Variants in ZNF875 observed in about 807,000 individuals in gnomAD.
ZNF875 encodes zinc finger protein 875.
Under a neutral mutation model 11.2 loss-of-function variants are expected in ZNF875, and 14 were observed. The observed-to-expected ratio is 1.26, with a 90% CI of 0.83 to 1.96. The LOEUF (loss-of-function observed/expected upper bound fraction) is 1.96. Among genes scored for constraint, ZNF875 ranks in the 30% most tolerant of loss-of-function variants. The pLI is 0.00. For missense variants in ZNF875, 752 were observed against 760.4 expected (o/e 0.99, Z 0.13); for synonymous variants, 301 against 281.1 (o/e 1.07, Z -0.71).
upstream of ZNF875, chr19:37,314,967 G>A (rs1375590412): frequency 1.3e-5 from 2 of 152,066 alleles, no homozygotes; most frequent in Non-Finnish European, 2.9e-5. Context: ...TTGCACAGTT[G>A]TGCAAACAGC....
rs376971884 is a variant in ZNF875 at position 37,326,011 on chromosome 19, AT to A, written c.-603+1756del. On this transcript the variant is annotated intron_variant, in intron 4 of 5. Coordinates refer to the ZNF875 transcript ENST00000544914. The stretch of plus-strand genomic sequence containing the variant: ...CGCGTGAGCCACTGCACTTGGCCTG[AT>A]TTTTTTTTTCTGAAGAGATGAGGTC... 4.4e-3 allele frequency among the ~76,000 whole-genome samples: 662 copies of A among 149,144 alleles called. 3 individuals carry two copies. The highest frequency in any genetic ancestry group is 0.021 in the Middle Eastern group (6 of 292).
At chr19:37,320,389 G>A (rs2031176566) in intron 1 of ZNF875, among the ~76,000 whole-genome samples, 1 of 152,200 alleles carries the variant, frequency 6.6e-6, no homozygotes, top group Non-Finnish European at 1.5e-5. Flanking sequence ...AGCCTTCATG[G>A]TTGTCACTGC....
chr19:37,357,462 A>G (rs896722738), intron 4 of ZNF875, among the ~76,000 whole-genome samples: 6 of 152,196 alleles, frequency 3.9e-5, no homozygotes, highest in East Asian at 1.9e-4. Context: ...TTAACAATCT[A>G]TGAGCATAGA....
At chr19:37,351,196 T>A (rs186649705) in intron 4 of ZNF875, among the ~76,000 whole-genome samples, 1 of 152,244 alleles carries the variant, frequency 6.6e-6, no homozygotes, top group African/African-American at 2.4e-5. Context: ...TTAATTAATT[T>A]GTCCACTTAA....
At chr19:37,317,863 C>G (rs35203277), upstream of ZNF875, 13,937 of 152,860 alleles carry the variant, frequency 0.091, 807 homozygotes, top group Non-Finnish European at 0.12. Context: ...CCATTGGTCG[C>G]CGTTTCCGGA....
Position 37,364,024 on chromosome 19 carries a change from C to A in ZNF875, c.*249C>A. The A allele has an allele frequency of 2.1e-6, 1 of 487,468 alleles. No homozygotes were observed. Among genetic ancestry groups the A allele is most frequent in the Non-Finnish European group, 3.7e-6 (1 of 272,706 alleles). 30.2% of individuals were successfully genotyped at this position (487,468 alleles called of 1,614,324 possible). A position where few individuals can be genotyped will look rare whatever the true frequency, so the allele number is the denominator to read the frequency against. On this transcript the variant is annotated 3_prime_UTR_variant, in exon 5 of 5. Transcript: ENST00000392153. ...CACTGTGGATGGTGGGTTGTGGAAA[C>A]CCGGTCAGGTAATGATAGTGGCAGG...
chr19:37,335,904 T>A (rs1489285600), intron 2 of ZNF875, among the ~76,000 whole-genome samples: 1 of 152,202 alleles, frequency 6.6e-6, no homozygotes, highest in Non-Finnish European at 1.5e-5. Flanking sequence ...ATTTTACCTT[T>A]GAGTTCATTC....
chr19:37,360,082 C>T (rs1426995420), intron 4 of ZNF875, among the ~76,000 whole-genome samples: 1 of 152,110 alleles, frequency 6.6e-6, no homozygotes, highest in African/African-American at 2.4e-5. Flanking sequence ...AGCTACAATC[C>T]ATTTTAGTTA....
intron 4 of ZNF875, chr19:37,325,132 T>C (rs1322670906): frequency 6.6e-6 from 1 of 152,226 alleles, no homozygotes; most frequent in Non-Finnish European, 1.5e-5. Context: ...CTTAGCGGTA[T>C]GTTTTTCACA....
At chr19:37,319,341 C>G (rs58161350) in intron 1 of ZNF875, among the ~76,000 whole-genome samples, 5 of 55,046 alleles carry the variant, frequency 9.1e-5, no homozygotes, top group African/African-American at 5.8e-4. Context: ...CCACTGCAGC[C>G]GGCATATATA....
intron 3 of ZNF875, among the ~76,000 whole-genome samples, chr19:37,323,750 G>C (rs1343896659): frequency 6.6e-6 from 1 of 152,198 alleles, no homozygotes; most frequent in African/African-American, 2.4e-5. Context: ...CTTTCTTGAT[G>C]ATGTCACTGG....
intron 2 of ZNF875, among the ~76,000 whole-genome samples, chr19:37,336,608 A>G (rs1011846330): frequency 3.3e-5 from 5 of 151,302 alleles, no homozygotes; most frequent in African/African-American, 9.7e-5. Context: ...CTACCTATGC[A>G]TATTTAAAAA....
At chr19:37,356,788 T>C (rs2038985528) in intron 4 of ZNF875, among the ~76,000 whole-genome samples, 1 of 152,236 alleles carries the variant, frequency 6.6e-6, no homozygotes, top group Non-Finnish European at 1.5e-5. Context: ...CTTTTTACTC[T>C]GTTGATTGTT....
chr19:37,326,010 GA>G (rs1453042890), intron 4 of ZNF875, among the ~76,000 whole-genome samples: 5 of 151,818 alleles, frequency 3.3e-5, no homozygotes, highest in Admixed American at 6.6e-5. Context: ...CACTTGGCCT[GA>G]TTTTTTTTTT....
chr19:37,357,851 T>G (rs1007809325), intron 4 of ZNF875: 10 of 397,202 alleles, frequency 2.5e-5, no homozygotes, highest in African/African-American at 1.6e-4. Context: ...CTTTTCCTAT[T>G]TGGATGCCTT....
At chr19:37,361,475 T>A (rs1296466103) in intron 4 of ZNF875, among the ~76,000 whole-genome samples, 1 of 152,146 alleles carries the variant, frequency 6.6e-6, no homozygotes, top group Non-Finnish European at 1.5e-5. Context: ...CTCCTTCTTC[T>A]TCCTTCCTTT....
At chr19:37,352,878 T>G (rs1309760805) in intron 4 of ZNF875, among the ~76,000 whole-genome samples, 1 of 136,584 alleles carries the variant, frequency 7.3e-6, no homozygotes, top group Non-Finnish European at 1.5e-5. Flanking sequence ...TTTTTTCTTT[T>G]TTTTTTTTTT....
At chr19:37,350,267 G>A (rs1415307140) in intron 4 of ZNF875, among the ~76,000 whole-genome samples, 2 of 151,394 alleles carry the variant, frequency 1.3e-5, no homozygotes, top group East Asian at 3.9e-4. Flanking sequence ...ATGCCACCAC[G>A]CCCGGCTAAC....
At chr19:37,314,124 T>A (rs10413928), upstream of ZNF875, among the ~76,000 whole-genome samples, 19 of 151,874 alleles carry the variant, frequency 1.3e-4, no homozygotes, top group African/African-American at 3.6e-4. Flanking sequence ...TTAAAAAAAA[T>A]TTTTTTTAGA....
Sources: gnomAD v4.1 joint callset for allele counts (sites outside exome capture counted in the v4.1 genomes callset) on GRCh38, gnomAD v4.1.1 for gene constraint, MANE v1.5 for transcripts, NCBI Gene and HGNC (gene_info 2026-07-23, HGNC 2026-07-21) for gene names.